Variants in CWF19L2 observed in about 807,000 individuals in gnomAD.
CWF19L2 encodes CWF19 like cell cycle control factor 2, also known as CWF19-like protein 2.
CWF19L2 carries 98 observed loss-of-function variants against 111.7 expected under a neutral mutation model. That is an observed-to-expected ratio of 0.88 (90% CI 0.75 to 1.04). The LOEUF (loss-of-function observed/expected upper bound fraction) is 1.04, where lower values mean the gene tolerates loss of function less well. CWF19L2 is among the 50% of genes least tolerant of loss of function. The pLI is 0.00. For synonymous variants in CWF19L2, 351 were observed against 342.9 expected (o/e 1.02, Z -0.26); for missense variants, 1,101 against 1,051.4 (o/e 1.05, Z -0.65).
At chr11:107,346,032 T>C (rs1860074912) in intron 14 of CWF19L2, among the ~76,000 whole-genome samples, 1 of 152,170 alleles carries the variant, frequency 6.6e-6, no homozygotes, top group African/African-American at 2.4e-5. Flanking sequence ...ATTTAGTCAA[T>C]GCATCCAGAC....
intron 10 of CWF19L2, among the ~76,000 whole-genome samples, chr11:107,414,769 C>A (rs898607035): frequency 3.3e-5 from 5 of 152,256 alleles, no homozygotes; most frequent in East Asian, 3.9e-4. Context: ...ACCCACCCCC[C>A]ACCTAAACCA....
intron 3 of CWF19L2, among the ~76,000 whole-genome samples, chr11:107,452,597 T>A (rs1225061127): frequency 6.6e-6 from 1 of 151,544 alleles, no homozygotes; most frequent in Non-Finnish European, 1.5e-5. Flanking sequence ...AAACTGGAAA[T>A]CCACGTGGGA....
intron 12 of CWF19L2, among the ~76,000 whole-genome samples, chr11:107,356,157 A>C (rs1053673147): frequency 2.6e-5 from 4 of 152,200 alleles, no homozygotes; most frequent in Admixed American, 1.3e-4. Flanking sequence ...ACAACAACAA[A>C]AAAAGACAAT....
intron 12 of CWF19L2, among the ~76,000 whole-genome samples, chr11:107,382,453 C>A (rs1301624857): frequency 6.6e-6 from 1 of 152,188 alleles, no homozygotes; most frequent in East Asian, 1.9e-4. Context: ...TCAGTTCCCT[C>A]AGCTGTAAGA....
rs1017132416 is a variant in CWF19L2 at position 107,326,407 on chromosome 11, C to A, written c.*503G>T. 25 of 152,230 alleles carry A rather than the reference C, an allele frequency of 1.6e-4. No individual in the cohort carries two copies. The highest frequency in any genetic ancestry group is 6.0e-4 in the African/African-American group (25 of 41,524). 9.4% of individuals were successfully genotyped at this position (152,230 alleles called of 1,614,324 possible). A position where few individuals can be genotyped will look rare whatever the true frequency, so the allele number is the denominator to read the frequency against. On this transcript the variant is annotated 3_prime_UTR_variant, in exon 18 of 18. Transcript: ENST00000282251. ...TAATACTTTGGGGACATTTCCTTTT[C>A]CTTTAACAAAAAGAATAGAAGTGAT...
intron 14 of CWF19L2, 72 bp downstream of exon 14, chr11:107,348,865 G>A (rs753653022): frequency 9.0e-6 from 7 of 781,238 alleles, no homozygotes; most frequent in Non-Finnish European, 1.3e-5. Context: ...TATACCTATT[G>A]GAATTTATCA....
intron 14 of CWF19L2, among the ~76,000 whole-genome samples, chr11:107,338,370 T>C (rs956737623): frequency 6.6e-6 from 1 of 152,188 alleles, no homozygotes; most frequent in Non-Finnish European, 1.5e-5. Flanking sequence ...AATAGAACCA[T>C]GTAATCTTTT....
chr11:107,430,256 A>G (rs1591200133), intron 7 of CWF19L2, among the ~76,000 whole-genome samples: 1 of 152,068 alleles, frequency 6.6e-6, no homozygotes, highest in African/African-American at 2.4e-5. Flanking sequence ...GAAGGAGTGA[A>G]TAAGTGTGAG....
At chr11:107,438,808 G>A (rs1861576748) in intron 6 of CWF19L2, among the ~76,000 whole-genome samples, 2 of 152,148 alleles carry the variant, frequency 1.3e-5, no homozygotes. Context: ...ACTTTGGCAG[G>A]ACAAGGCAGT....
chr11:107,360,809 C>A (rs768413396), intron 12 of CWF19L2, among the ~76,000 whole-genome samples: 1 of 152,136 alleles, frequency 6.6e-6, no homozygotes, highest in African/African-American at 2.4e-5. Flanking sequence ...CTATTCATAT[C>A]CTTGCCCACT....
chr11:107,444,832 C>G (rs575409860), intron 3 of CWF19L2, among the ~76,000 whole-genome samples: 1 of 152,142 alleles, frequency 6.6e-6, no homozygotes, highest in African/African-American at 2.4e-5. Flanking sequence ...TTCAAGCCTA[C>G]CATTTTCATT....
At chr11:107,455,578 T>C in intron 2 of CWF19L2, 88 bp downstream of exon 2, 1 of 714,628 alleles carries the variant, frequency 1.4e-6, no homozygotes, top group Non-Finnish European at 2.2e-6. Flanking sequence ...TATGAAAACA[T>C]TCTATAAAAT....
intron 12 of CWF19L2, among the ~76,000 whole-genome samples, chr11:107,370,245 A>C (rs1860488391): frequency 7.3e-6 from 1 of 137,610 alleles, no homozygotes; most frequent in Admixed American, 7.1e-5. Flanking sequence ...AATACTAAAA[A>C]GTCAGCAGCT....
intron 10 of CWF19L2, 46 bp from the exon 11 acceptor site, chr11:107,392,941 G>A (rs111428634): frequency 1.7e-6 from 2 of 1,185,162 alleles, no homozygotes; most frequent in Non-Finnish European, 2.4e-6. Context: ...TGTGAAGAAT[G>A]TTGAATGTTT....
intron 13 of CWF19L2, among the ~76,000 whole-genome samples, chr11:107,351,411 C>T (rs1257707655): frequency 3.3e-5 from 5 of 151,946 alleles, no homozygotes; most frequent in South Asian, 2.1e-4. Context: ...AAGGTGGAGA[C>T]GGGTATTAGA....
chr11:107,380,286 A>C (rs1860665614), intron 12 of CWF19L2, among the ~76,000 whole-genome samples: 1 of 152,214 alleles, frequency 6.6e-6, no homozygotes, highest in Non-Finnish European at 1.5e-5. Context: ...AATTTTAATC[A>C]AAACTGTGAA....
intron 3 of CWF19L2, among the ~76,000 whole-genome samples, chr11:107,445,077 T>A (rs1861682310): frequency 6.6e-6 from 1 of 152,086 alleles, no homozygotes; most frequent in African/African-American, 2.4e-5. Flanking sequence ...TCAGCAAAAA[T>A]TTTTTAAAAA....
chr11:107,373,710 C>T (rs1484672221), intron 12 of CWF19L2, among the ~76,000 whole-genome samples: 1 of 132,876 alleles, frequency 7.5e-6, no homozygotes, highest in Non-Finnish European at 1.6e-5. Flanking sequence ...AAAAGCAGAG[C>T]GCCTCTCCTC....
At chr11:107,327,145 A>T in intron 17 of CWF19L2, 92 bp from the exon 18 acceptor site, 1 of 1,209,206 alleles carries the variant, frequency 8.3e-7, no homozygotes, top group Non-Finnish European at 1.1e-6. Context: ...TATAAAATAT[A>T]ACAAGTTCTT....
Sources: allele counts gnomAD v4.1 joint callset (sites outside exome capture counted in the v4.1 genomes callset), GRCh38; gene constraint gnomAD v4.1.1; transcripts MANE v1.5; gene names NCBI Gene and HGNC (gene_info 2026-07-23, HGNC 2026-07-21).